The following STX16 variants were observed in gnomAD, a reference collection of about 807,000 sequenced individuals.
STX16 encodes syntaxin-16.
A neutral mutation model predicts 42.7 loss-of-function variants in STX16; 28 were observed. The ratio of observed to expected loss-of-function variants is 0.66; its 90% CI spans 0.49 to 0.90. STX16 has a LOEUF of 0.90. STX16 is among the 40% of genes least tolerant of loss of function. The pLI is 0.00. For synonymous variants in STX16, 156 were observed against 155.2 expected (o/e 1.00, Z -0.04); for missense variants, 361 against 420.9 (o/e 0.86, Z 1.24).
intron 1 of STX16, among the ~76,000 whole-genome samples, chr20:58,656,475 G>GTCATAAAGACAAT (rs2083589303): frequency 6.6e-6 from 1 of 152,214 alleles, no homozygotes; most frequent in Non-Finnish European, 1.5e-5. Flanking sequence ...AAATTGTAAA[G>GTCATAAAGACAAT]TCATAAAGAA....
At position 58,677,885 on chromosome 20, in the gene STX16, T is replaced by C. The variant is rs1175677582; in HGVS notation, c.*1594T>C. ...CAGGTAGCCATTGGTGGTTTTCCTA[T>C]TACTGATGTGGCTGTGGAATGATAA... On this transcript the variant is annotated 3_prime_UTR_variant, in exon 9 of 9. Coordinates refer to ENST00000371141, the MANE Select transcript of STX16 (RefSeq NM_001001433.3). 1 of 152,250 alleles carries C rather than the reference T, an allele frequency of 6.6e-6. No homozygotes were observed. Among genetic ancestry groups the C allele is most frequent in the Non-Finnish European group, 1.5e-5 (1 of 68,080 alleles). 9.4% of individuals were successfully genotyped at this position (152,250 alleles called of 1,614,324 possible). A position where few individuals can be genotyped will look rare whatever the true frequency, so the allele number is the denominator to read the frequency against.
intron 2 of STX16, among the ~76,000 whole-genome samples, chr20:58,663,988 A>G (rs2083760325): frequency 6.6e-6 from 1 of 152,246 alleles, no homozygotes; most frequent in South Asian, 2.1e-4. Flanking sequence ...GCACAAACCA[A>G]CATCATATAT....
At chr20:58,662,147 C>T (rs1601010784) in intron 2 of STX16, among the ~76,000 whole-genome samples, 1 of 152,228 alleles carries the variant, frequency 6.6e-6, no homozygotes, top group African/African-American at 2.4e-5. Flanking sequence ...AAAGAAATCT[C>T]TGGGAGTTTT....
At chr20:58,655,506 G>A (rs1174507198) in intron 1 of STX16, among the ~76,000 whole-genome samples, 2 of 152,138 alleles carry the variant, frequency 1.3e-5, no homozygotes. Flanking sequence ...AAGCCTCAAG[G>A]GCCAGAAGGA....
At position 58,652,047 on chromosome 20, in the gene STX16, G is replaced by T; in HGVS notation, c.41G>T (p.Arg14Leu). ...TTAACCGACGCTTTCTTGTTGTTGCGGAATAATTCCATCCAAAACCGGCAG... is the reference window on the plus strand; with the variant it reads ...TTAACCGACGCTTTCTTGTTGTTGCTGAATAATTCCATCCAAAACCGGCAG... ...RRLTDAFLLL[R>L]NNSIQNRQLL... is the part of the protein sequence containing the mutation. The change falls in exon 1 of 9, where the codon CGG becomes CTG. Residue 14 changes from arginine to leucine, a missense_variant. Arg to Leu is a moderately radical substitution (Grantham distance 102). Coordinates refer to ENST00000371141, the MANE Select transcript of STX16 (RefSeq NM_001001433.3). 6.2e-7 allele frequency: 1 copy of T among 1,614,188 alleles called. No homozygotes were observed. The highest frequency in any genetic ancestry group is 8.5e-7 in the Non-Finnish European group (1 of 1,180,024).
At chr20:58,663,268 C>T (rs943502817) in intron 2 of STX16, among the ~76,000 whole-genome samples, 3 of 152,232 alleles carry the variant, frequency 2.0e-5, no homozygotes, top group Admixed American at 6.5e-5. Flanking sequence ...TACACTAAAT[C>T]AGCCTTCAGG....
At chr20:58,673,505 C>A in intron 7 of STX16, 126 bp from the exon 8 acceptor site, 1 of 655,466 alleles carries the variant, frequency 1.5e-6, no homozygotes, top group Non-Finnish European at 2.7e-6. Flanking sequence ...TGTGTACCTG[C>A]AGCACACAGG....
chr20:58,670,306 G>C (rs1311920809), intron 5 of STX16, among the ~76,000 whole-genome samples: 1 of 152,138 alleles, frequency 6.6e-6, no homozygotes, highest in South Asian at 2.1e-4. Context: ...CTTTTGTCTT[G>C]AGTAATCCCA....
intron 1 of STX16, 32 bp downstream of exon 1, chr20:58,652,170 G>C: frequency 6.2e-7 from 1 of 1,611,860 alleles, no homozygotes. Context: ...CCGACACACG[G>C]ACCGTGTGCA....
In STX16 at chr20:58,671,196, C is replaced by G. The variant is rs1390005138; in HGVS notation, c.691C>G (p.Leu231Val). The G allele has an allele frequency of 6.2e-7, 1 of 1,614,088 alleles. No individual in the cohort carries two copies. The highest frequency in any genetic ancestry group is 2.2e-5 in the East Asian group (1 of 44,886). The stretch of plus-strand genomic sequence containing the variant: ...GTTAGTTCTGGTGGAGCAGAACACA[C>G]TGATGGTGGAAGAGCGGGAACGAGA... ...DQLVLVEQNT[L>V]MVEEREREIR... Residue 231 changes from leucine to valine, a missense_variant, in exon 7 of 9, where the codon CTG becomes GTG. By Grantham distance (32) the Leu-to-Val change is conservative. Transcript: ENST00000371141.
intron 8 of STX16, among the ~76,000 whole-genome samples, chr20:58,675,969 A>T (rs2084109292): frequency 6.6e-6 from 1 of 152,146 alleles, no homozygotes. Context: ...ATCCATTTCC[A>T]CGTCCAGGGT....
intron 6 of STX16, 51 bp from the exon 7 acceptor site, chr20:58,671,103 T>C: frequency 6.5e-7 from 1 of 1,539,536 alleles, no homozygotes; most frequent in Non-Finnish European, 8.8e-7. Flanking sequence ...TACCATAGCT[T>C]TCCTGAGAGG....
At chr20:58,654,584 A>G (rs549852769) in intron 1 of STX16, among the ~76,000 whole-genome samples, 5 of 152,336 alleles carry the variant, frequency 3.3e-5, no homozygotes, top group South Asian at 2.1e-4. Flanking sequence ...TGTAAAATCT[A>G]TTGAGTAACT....
chr20:58,670,552 C>T lies in STX16; in HGVS notation c.597C>T (p.Asp199=). ...NREERSQHFF[D]TSVPLMDDGD... ...AGGAAAGATCCCAGCATTTTTTCGACACATCAGTACCACTAATGGATGATG... is the reference window on the plus strand; with the variant it reads ...AGGAAAGATCCCAGCATTTTTTCGATACATCAGTACCACTAATGGATGATG... Residue 199 remains aspartate (D), a synonymous_variant, in exon 6 of 9, where the codon GAC becomes GAT. Coordinates refer to ENST00000371141, the MANE Select transcript of STX16 (RefSeq NM_001001433.3). The T allele has an allele frequency of 6.2e-7, 1 of 1,614,070 alleles. No individual in the cohort carries two copies. The highest frequency in any genetic ancestry group is 8.5e-7 in the Non-Finnish European group (1 of 1,179,978).
At chr20:58,655,336 C>T (rs1007708106) in intron 1 of STX16, among the ~76,000 whole-genome samples, 1 of 152,082 alleles carries the variant, frequency 6.6e-6, no homozygotes, top group Non-Finnish European at 1.5e-5. Context: ...TTTAAACATG[C>T]ATTTTTTGCA....
At chr20:58,660,285 T>C (rs1249624018) in intron 2 of STX16, among the ~76,000 whole-genome samples, 2 of 152,216 alleles carry the variant, frequency 1.3e-5, no homozygotes, top group Non-Finnish European at 2.9e-5. Context: ...TTAAAACTGT[T>C]GTTAATGTTT....
chr20:58,664,009 CA>C (rs1314651297), intron 2 of STX16, among the ~76,000 whole-genome samples: 2 of 152,170 alleles, frequency 1.3e-5, no homozygotes, highest in Non-Finnish European at 2.9e-5. Context: ...TTGGAGGGGG[CA>C]CCATGTTGAA....
chr20:58,653,802 C>T (rs1040346497), intron 1 of STX16, among the ~76,000 whole-genome samples: 1 of 150,662 alleles, frequency 6.6e-6, no homozygotes, highest in Non-Finnish European at 1.5e-5. Context: ...GTTTATTTTT[C>T]AATTTTTAAT....
rs980469101 is a variant in STX16, at chr20:58,676,939, A to C, written c.*648A>C. ...GTTAATTAACACATTTAGATGGGCC[A>C]GTTAAAACAGCTTCATAAGTTTTAA... On this transcript the variant is annotated 3_prime_UTR_variant, in exon 9 of 9. Coordinates refer to ENST00000371141, the MANE Select transcript of STX16 (RefSeq NM_001001433.3). 9.2e-5 allele frequency: 14 copies of C among 152,658 alleles called. No individual in the cohort carries two copies. Among genetic ancestry groups the C allele is most frequent in the Non-Finnish European group, 2.9e-5 (2 of 68,034 alleles). The allele number at this position is 152,658 out of a possible 1,614,324, so 9.5% of individuals were successfully genotyped here. A position where few individuals can be genotyped will look rare whatever the true frequency, so the allele number is the denominator to read the frequency against.
Sources: gnomAD v4.1 joint callset for allele counts (sites outside exome capture counted in the v4.1 genomes callset) on GRCh38, gnomAD v4.1.1 for gene constraint, MANE v1.5 for transcripts, NCBI Gene and HGNC (gene_info 2026-07-23, HGNC 2026-07-21) for gene names.